The following DSC3 variants were observed in gnomAD, a reference collection of about 807,000 sequenced individuals.
DSC3 encodes desmocollin 3, also known as desmocollin-3.
In DSC3, 97 loss-of-function variants were observed where a neutral mutation model predicts 89.5. The observed-to-expected ratio is 1.08, with a 90% CI of 0.92 to 1.28. DSC3 has a LOEUF of 1.28. Among genes scored for constraint, DSC3 ranks in the 50% most tolerant of loss-of-function variants. DSC3 has a pLI of 0.00. For synonymous variants in DSC3, 436 were observed against 384.1 expected (o/e 1.14, Z -1.58); for missense variants, 1,199 against 1,085.3 (o/e 1.10, Z -1.47).
Position 30,994,284 on chromosome 18 carries a change from G to C in DSC3, c.2582C>G (p.Ala861Gly). ...TTCACTGCAGCAGCCCACAGAACCA[G>C]CTGGAGATCCTCTTCCCTCATAGTT... ...TYNYEGRGSP[A>G]GSVGCCSEKQ... Residue 861 changes from alanine to glycine, a missense_variant, in exon 16 of 16, where the codon GCT becomes GGT. Coordinates refer to ENST00000360428, the MANE Select transcript of DSC3 (RefSeq NM_001941.5). The C allele has an allele frequency of 1.9e-6, 3 of 1,614,092 alleles. No homozygotes were observed. The East Asian group carries it at 6.7e-5, about 36-fold the overall frequency.
chr18:31,014,969 A>G (rs1985186947), intron 9 of DSC3, among the ~76,000 whole-genome samples: 1 of 152,140 alleles, frequency 6.6e-6, no homozygotes. Context: ...AATAGGGATA[A>G]TAACACCTTG....
chr18:30,999,090 T>C (rs1369658574), intron 14 of DSC3, among the ~76,000 whole-genome samples: 3 of 152,212 alleles, frequency 2.0e-5, no homozygotes, highest in African/African-American at 7.2e-5. Flanking sequence ...TCCGACCCTC[T>C]GAGCCATAGG....
chr18:31,032,744 C>G (rs760835769), intron 1 of DSC3, among the ~76,000 whole-genome samples: 1 of 151,980 alleles, frequency 6.6e-6, no homozygotes, highest in Non-Finnish European at 1.5e-5. Flanking sequence ...TACAGGCGCC[C>G]GCCACCATGA....
chr18:31,034,052 C>T, intron 1 of DSC3, among the ~76,000 whole-genome samples: 1 of 152,156 alleles, frequency 6.6e-6, no homozygotes, highest in Admixed American at 6.5e-5. Context: ...GTCTCGATCT[C>T]CTGACCTCGT....
chr18:31,001,076 ACTT>A (rs1984638520), intron 14 of DSC3, among the ~76,000 whole-genome samples: 1 of 85,860 alleles, frequency 1.2e-5, no homozygotes, highest in African/African-American at 4.4e-5. Context: ...GTTTATATAT[ACTT>A]TGTGTGTGTG....
At chr18:31,027,057 A>G (rs1242213725) in intron 4 of DSC3, among the ~76,000 whole-genome samples, 1 of 152,162 alleles carries the variant, frequency 6.6e-6, no homozygotes, top group Non-Finnish European at 1.5e-5. Context: ...TGGGATCTCA[A>G]TAAAATGCAC....
At position 31,004,218 on chromosome 18, in the gene DSC3, C is replaced by T. The variant is rs762694824; in HGVS notation, c.2037G>A (p.Ala679=). The part of the protein sequence containing the change: ...CECTHPTQCR[A]TSRSTGVILG... ...GTATTACTCCTGTACTCCTTGAAGT[C>T]GCACGACACTGAGTTGGATGAGTAC... is the stretch of plus-strand genomic sequence containing the variant. Residue 679 remains alanine, a synonymous_variant, in exon 13 of 16, where the codon GCG becomes GCA. Coordinates refer to ENST00000360428, the MANE Select transcript of DSC3 (RefSeq NM_001941.5). 7 of 1,613,970 alleles carry T rather than the reference C, an allele frequency of 4.3e-6. No homozygotes were observed. In the East Asian group the frequency reaches 6.7e-5, roughly 15 times the overall value.
At chr18:31,002,251 TAAG>T (rs1234275008) in intron 13 of DSC3, among the ~76,000 whole-genome samples, 2 of 152,174 alleles carry the variant, frequency 1.3e-5, no homozygotes, top group East Asian at 1.9e-4. Context: ...ATAATTAAAC[TAAG>T]AAGAACAACA....
chr18:31,014,477 T>C (rs1985170080), intron 9 of DSC3, among the ~76,000 whole-genome samples: 1 of 152,068 alleles, frequency 6.6e-6, no homozygotes, highest in Non-Finnish European at 1.5e-5. Flanking sequence ...TTTTGAACTT[T>C]GAATTTTTGT....
At position 31,019,488 on chromosome 18, in the gene DSC3, C is replaced by T. The variant is rs1985348611; in HGVS notation, c.943-688G>A. 2.6e-5 allele frequency among the ~76,000 whole-genome samples: 4 copies of T among 152,176 alleles called. No individual in the cohort carries two copies. In the South Asian group the frequency reaches 8.3e-4, roughly 31 times the overall value. ...GCAGTTAGTTGAAACTCCCCTGCAGCAATCATCTAAAACAGGTGGCTTAGG... is the reference window on the plus strand; with the variant it reads ...GCAGTTAGTTGAAACTCCCCTGCAGTAATCATCTAAAACAGGTGGCTTAGG... On this transcript the variant is annotated intron_variant, in intron 7 of 15. Coordinates refer to ENST00000360428, the MANE Select transcript of DSC3 (RefSeq NM_001941.5).
rs1317403004 is a variant in DSC3 at position 31,009,395 on chromosome 18, C to CAG, written c.1264-871_1264-870insCT. 9.2e-5 allele frequency among the ~76,000 whole-genome samples: 14 copies of CAG among 152,212 alleles called. 1 individual carries two copies. In the East Asian group the frequency reaches 2.7e-3, roughly 29 times the overall value. On this transcript the variant is annotated intron_variant, in intron 9 of 15. Transcript: ENST00000360428. ...TTGCCCTCTAAGGCATCTAACTGAGCCATCTAATTGCTGCTTTTCTTTTAT... is the reference window on the plus strand; with the variant it reads ...TTGCCCTCTAAGGCATCTAACTGAGCAGCATCTAATTGCTGCTTTTCTTTTAT...
chr18:31,010,918 G>A (rs1985035708), intron 9 of DSC3, among the ~76,000 whole-genome samples: 1 of 152,170 alleles, frequency 6.6e-6, no homozygotes, highest in South Asian at 2.1e-4. Flanking sequence ...CAAGGACATA[G>A]CATAACTTTT....
At chr18:31,038,371 A>G (rs1354818995) in intron 1 of DSC3, among the ~76,000 whole-genome samples, 2 of 152,206 alleles carry the variant, frequency 1.3e-5, no homozygotes, top group Non-Finnish European at 2.9e-5. Context: ...AATTCAATTT[A>G]TTTAATGGTT....
intron 9 of DSC3, among the ~76,000 whole-genome samples, chr18:31,012,736 T>C (rs1372494313): frequency 6.6e-6 from 1 of 152,168 alleles, no homozygotes; most frequent in Non-Finnish European, 1.5e-5. Context: ...ATTAGTTTTA[T>C]GAAGCAAGCA....
intron 9 of DSC3, among the ~76,000 whole-genome samples, chr18:31,009,043 A>C (rs1984968492): frequency 1.3e-5 from 2 of 151,882 alleles, no homozygotes; most frequent in Non-Finnish European, 2.9e-5. Context: ...CCAGTATTTT[A>C]TTTTCTTTTA....
Position 31,025,893 on chromosome 18 carries a change from T to C in DSC3, c.497A>G (p.Asn166Ser), listed in dbSNP as rs758905873. The stretch of plus-strand genomic sequence containing the variant: ...ACTTATTGAGTAGAAGACAGTATAG[T>C]TCTGTGCTGCATCAGATTCAACCTA... The part of the protein sequence containing the change: ...LQQVESDAAQ[N>S]YTVFYSISGR... The change falls in exon 5 of 16, where the codon AAC becomes AGC. Residue 166 changes from asparagine to serine, a missense_variant. Physicochemically the swap from Asn to Ser is conservative, Grantham distance 46. Coordinates refer to ENST00000360428, the MANE Select transcript of DSC3 (RefSeq NM_001941.5). 26 of 1,612,702 alleles carry C rather than the reference T, an allele frequency of 1.6e-5. No individual in the cohort carries two copies. Among genetic ancestry groups the C allele is most frequent in the Non-Finnish European group, 2.1e-5 (25 of 1,179,222 alleles).
chr18:30,994,362 C>A lies in DSC3; in HGVS notation c.2504G>T (p.Arg835Leu). 1 of 1,613,602 alleles carries A rather than the reference C, an allele frequency of 6.2e-7. No homozygotes were observed. The highest frequency in any genetic ancestry group is 1.1e-5 in the South Asian group (1 of 90,908). The change falls in exon 16 of 16, where the codon CGA becomes CTA. Residue 835 changes from arginine (R) to leucine (L), a missense_variant. Coordinates refer to ENST00000360428, the MANE Select transcript of DSC3 (RefSeq NM_001941.5). Reference sequence around the variant, plus strand: ...CATGCGGTCTTCATTCTGATTACATCGATGCAATTTCTGTAAAATTTTTTA... The same window carrying A: ...CATGCGGTCTTCATTCTGATTACATAGATGCAATTTCTGTAAAATTTTTTA... Reference protein sequence around the residue: ...TQPRLGEKLHRCNQNEDRMPS... With the variant: ...TQPRLGEKLHLCNQNEDRMPS...
At chr18:31,019,115 G>C (rs1985333622) in intron 7 of DSC3, among the ~76,000 whole-genome samples, 2 of 152,196 alleles carry the variant, frequency 1.3e-5, no homozygotes, top group South Asian at 4.1e-4. Context: ...GTTTTGTCTT[G>C]AGACGGAGTC....
At chr18:30,996,137 A>G in intron 15 of DSC3, among the ~76,000 whole-genome samples, 1 of 151,934 alleles carries the variant, frequency 6.6e-6, no homozygotes, top group Non-Finnish European at 1.5e-5. Flanking sequence ...TGCTTTGTAT[A>G]TTTAAAATAT....
Sources: allele counts gnomAD v4.1 joint callset (sites outside exome capture counted in the v4.1 genomes callset), GRCh38; gene constraint gnomAD v4.1.1; transcripts MANE v1.5; gene names NCBI Gene and HGNC (gene_info 2026-07-23, HGNC 2026-07-21).